Variants in GLI2 observed in about 807,000 individuals in gnomAD.
GLI2 encodes the protein GLI family zinc finger 2, also known as transcription activator GLI2.
Under a neutral mutation model 78.9 loss-of-function variants are expected in GLI2, and 22 were observed. The ratio of observed to expected loss-of-function variants is 0.28; its 90% CI spans 0.20 to 0.40. The LOEUF is 0.40. Among genes scored for constraint, GLI2 ranks in the 10% least tolerant of loss-of-function variants. The probability of loss-of-function intolerance (pLI) is 1.00; values close to 1 mark genes in which losing one functional copy is unlikely to be tolerated. For synonymous variants in GLI2, 974 were observed against 963.7 expected (o/e 1.01, Z -0.20); for missense variants, 2,097 against 2,213.2 (o/e 0.95, Z 1.05).
intron 1 of GLI2, among the ~76,000 whole-genome samples, chr2:120,751,550 A>G (rs939472052): frequency 1.3e-5 from 2 of 152,214 alleles, no homozygotes; most frequent in Non-Finnish European, 2.9e-5. Flanking sequence ...ATTAGTGTGC[A>G]TAACTTTCTC....
chr2:120,814,164 C>T (rs1182742952), intron 2 of GLI2, among the ~76,000 whole-genome samples: 1 of 152,152 alleles, frequency 6.6e-6, no homozygotes, highest in African/African-American at 2.4e-5. Flanking sequence ...CACAGCTGGG[C>T]AAAGTGGGCT....
At chr2:120,780,222 A>G (rs1356881588) in intron 1 of GLI2, among the ~76,000 whole-genome samples, 3 of 152,198 alleles carry the variant, frequency 2.0e-5, no homozygotes, top group Non-Finnish European at 4.4e-5. Context: ...CGCCCCCTTC[A>G]GCTGGAAGGC....
chr2:120,807,298 T>A (rs1287493242), intron 2 of GLI2, among the ~76,000 whole-genome samples: 4 of 152,140 alleles, frequency 2.6e-5, no homozygotes, highest in African/African-American at 9.7e-5. Flanking sequence ...AACCCCAGTG[T>A]CCTCATTTTA....
chr2:120,823,170 G>A (rs925180460), intron 2 of GLI2, among the ~76,000 whole-genome samples: 8 of 152,164 alleles, frequency 5.3e-5, no homozygotes, highest in Non-Finnish European at 1.0e-4. Context: ...GTTTGGTCCC[G>A]GACTTAATGA....
At chr2:120,825,612 G>A (rs991310629) in intron 2 of GLI2, among the ~76,000 whole-genome samples, 14 of 151,882 alleles carry the variant, frequency 9.2e-5, no homozygotes, top group African/African-American at 3.4e-4. Flanking sequence ...GTGCTGGACT[G>A]TAAGCATGCA....
chr2:120,938,120 C>T (rs1680281263), intron 3 of GLI2, among the ~76,000 whole-genome samples: 1 of 152,174 alleles, frequency 6.6e-6, no homozygotes, highest in Non-Finnish European at 1.5e-5. Context: ...TCCCCCTGTA[C>T]TCGGAGGTCA....
chr2:120,832,802 C>T (rs1426477504), intron 2 of GLI2, among the ~76,000 whole-genome samples: 1 of 151,986 alleles, frequency 6.6e-6, no homozygotes, highest in Non-Finnish European at 1.5e-5. Flanking sequence ...TTCAAGAGGA[C>T]GGGTGGGCTG....
chr2:120,805,089 A>G (rs1251176742), intron 2 of GLI2, among the ~76,000 whole-genome samples: 1 of 152,268 alleles, frequency 6.6e-6, no homozygotes, highest in Non-Finnish European at 1.5e-5. Context: ...GTAAATGTCC[A>G]CATAACGGAA....
intron 1 of GLI2, among the ~76,000 whole-genome samples, chr2:120,784,481 T>G (rs1311710902): frequency 6.6e-6 from 1 of 151,362 alleles, no homozygotes; most frequent in Non-Finnish European, 1.5e-5. Context: ...GAGTCCTGAG[T>G]TGGTGGCAAG....
rs140954953 is a variant in GLI2, at chr2:120,989,846, G to C, written c.3881G>C (p.Gly1294Ala). ...GGGGTCCCCGATTCAGCCCTGGCTG[G>C]AGTGCCACCACCTCACCCAGTCCAG... ...ELGVPDSALAGVPPPHPVQSY... is the reference protein window; with the variant it reads ...ELGVPDSALAAVPPPHPVQSY... Residue 1294 changes from glycine to alanine, a missense_variant, in exon 14 of 14, where the codon GGA becomes GCA. This residue lies in a region of GLI2 where 1,290 missense variants were observed against 1,261.7 expected (regional missense o/e 1.02). Transcript: ENST00000361492. The C allele has an allele frequency of 6.9e-5, 112 of 1,612,638 alleles. No individual in the cohort carries two copies. The highest frequency in any genetic ancestry group is 1.9e-4 in the African/African-American group (14 of 74,928).
intron 2 of GLI2, among the ~76,000 whole-genome samples, chr2:120,852,803 C>A (rs1687474866): frequency 6.6e-6 from 1 of 152,166 alleles, no homozygotes; most frequent in Non-Finnish European, 1.5e-5. Flanking sequence ...TCATCAGGAC[C>A]TTTGCCATTC....
intron 1 of GLI2, among the ~76,000 whole-genome samples, chr2:120,776,175 G>A (rs1456013616): frequency 1.3e-5 from 2 of 152,252 alleles, no homozygotes; most frequent in Non-Finnish European, 2.9e-5. Context: ...GCACCTTCTG[G>A]GCACTGGGCC....
intron 4 of GLI2, among the ~76,000 whole-genome samples, chr2:120,954,274 G>C (rs1475052154): frequency 6.6e-6 from 1 of 152,142 alleles, no homozygotes; most frequent in Non-Finnish European, 1.5e-5. Flanking sequence ...GGATCTCCAC[G>C]GAAGGTTTTG....
In GLI2 at chr2:120,927,353, CT is replaced by C; in HGVS notation, c.149-7del. On this transcript the variant is annotated splice_region_variant and splice_polypyrimidine_tract_variant and intron_variant, in intron 2 of 13. Transcript: ENST00000361492. ...TTTGAAGTCTTGTTTCTCTCTCCCC[CT>C]CTGCAGTGCCGCAGCATCTCTTGCC... 2.5e-6 allele frequency: 4 copies of C among 1,601,130 alleles called. No homozygotes were observed. Among genetic ancestry groups the C allele is most frequent in the Non-Finnish European group, 3.4e-6 (4 of 1,168,178 alleles).
Position 120,990,654 on chromosome 2 carries a change from G to A in GLI2, c.4689G>A (p.Lys1563=). 2 of 1,612,722 alleles carry A rather than the reference G, an allele frequency of 1.2e-6. No homozygotes were observed. Among genetic ancestry groups the A allele is most frequent in the South Asian group, 2.2e-5 (2 of 91,042 alleles). ...TCACCAGCCTCGCCGAGGAGAGCAA[G>A]TTCCTGAACATGATGACCTAGAGGC... ...SMLTSLAEES[K]FLNMMT is the part of the protein sequence containing the mutation. Residue 1563 remains lysine, a synonymous_variant, in exon 14 of 14, where the codon AAG becomes AAA. Transcript: ENST00000361492.
At chr2:120,862,541 G>T (rs979529013) in intron 2 of GLI2, among the ~76,000 whole-genome samples, 1 of 152,212 alleles carries the variant, frequency 6.6e-6, no homozygotes, top group Non-Finnish European at 1.5e-5. Flanking sequence ...CTTCTGTGGG[G>T]TGGATTGGCA....
Position 120,968,710 on chromosome 2 carries a change from A to T in GLI2, c.644-4A>T, listed in dbSNP as rs553802867. ...TGACCTGTCTTGTGTTGACTATCCC[A>T]CAGTGTCCCGTTTCTCCAGCCCGCG... On this transcript the variant is annotated splice_polypyrimidine_tract_variant and splice_region_variant and intron_variant, in intron 5 of 13. Coordinates refer to ENST00000361492, the MANE Select transcript of GLI2 (RefSeq NM_001374353.1). 2 of 1,602,330 alleles carry T rather than the reference A, an allele frequency of 1.2e-6. No individual in the cohort carries two copies. Among genetic ancestry groups the T allele is most frequent in the African/African-American group, 2.8e-5 (2 of 71,608 alleles).
At chr2:120,809,039 C>T (rs13393324) in intron 2 of GLI2, among the ~76,000 whole-genome samples, 1 of 152,088 alleles carries the variant, frequency 6.6e-6, no homozygotes, top group Non-Finnish European at 1.5e-5. Flanking sequence ...AATTGAAAAC[C>T]TATGTGCACA....
chr2:120,850,207 T>G (rs1687330399), intron 2 of GLI2, among the ~76,000 whole-genome samples: 1 of 152,092 alleles, frequency 6.6e-6, no homozygotes, highest in Non-Finnish European at 1.5e-5. Context: ...CCCAGCACTT[T>G]AAAAGAAAAA....
Sources: allele counts gnomAD v4.1 joint callset (sites outside exome capture counted in the v4.1 genomes callset), GRCh38; gene constraint gnomAD v4.1.1; regional missense constraint gnomAD v4.1.1; transcripts MANE v1.5; gene names NCBI Gene and HGNC (gene_info 2026-07-23, HGNC 2026-07-21).